The following EHMT1 variants were observed in gnomAD, a reference collection of about 807,000 sequenced individuals.
EHMT1 encodes the protein histone-lysine N-methyltransferase EHMT1.
EHMT1 carries 15 observed loss-of-function variants against 147.2 expected under a neutral mutation model. The observed-to-expected ratio is 0.10, with a 90% CI of 0.07 to 0.16. EHMT1 has a LOEUF of 0.16. EHMT1 is among the 10% of genes least tolerant of loss of function. The pLI is 1.00. For synonymous variants in EHMT1, 795 were observed against 709.6 expected (o/e 1.12, Z -1.91); for missense variants, 1,587 against 1,772.4 (o/e 0.90, Z 1.88).
At chr9:137,701,050 G>A (rs183386412) in intron 1 of EHMT1, among the ~76,000 whole-genome samples, 35 of 152,190 alleles carry the variant, frequency 2.3e-4, no homozygotes, top group Non-Finnish European at 4.9e-4. Context: ...AAGCATGAAG[G>A]GGAAAGTGCT....
chr9:137,662,166 C>T (rs1323622079), intron 1 of EHMT1, among the ~76,000 whole-genome samples: 1 of 152,148 alleles, frequency 6.6e-6, no homozygotes, highest in East Asian at 1.9e-4. Context: ...ATATTTTTTA[C>T]ACATTGTTGA....
intron 3 of EHMT1, among the ~76,000 whole-genome samples, chr9:137,722,057 C>G (rs1946113003): frequency 1.3e-5 from 2 of 151,770 alleles, no homozygotes; most frequent in South Asian, 4.2e-4. Context: ...AAGTCTGAGG[C>G]TTGGGCTGAG....
In EHMT1 at chr9:137,731,343, G is replaced by A. The variant is rs1031471764; in HGVS notation, c.823+2814G>A. ...GTGTGTTGTCACCCCAGGGCTTCCG[G>A]AGTGGGCACAGAAGTTACAGTTTCT... On this transcript the variant is annotated intron_variant, in intron 4 of 26. Coordinates refer to ENST00000460843, the MANE Select transcript of EHMT1 (RefSeq NM_024757.5). The surrounding 1 kb of genome is among the most constrained non-coding windows in gnomAD (Gnocchi z 4.3). Among the ~76,000 whole-genome samples the A allele has an allele frequency of 6.6e-6, 1 of 152,196 alleles. No homozygotes were observed. The highest frequency in any genetic ancestry group is 2.4e-5 in the African/African-American group (1 of 41,440).
In EHMT1 at chr9:137,778,038, C is replaced by T. The variant is rs527754873; in HGVS notation, c.2175C>T (p.Ile725=). Residue 725 remains isoleucine, a synonymous_variant, in exon 13 of 27, where the codon ATC becomes ATT. Coordinates refer to ENST00000460843, the MANE Select transcript of EHMT1 (RefSeq NM_024757.5). The stretch of plus-strand genomic sequence containing the variant: ...AGGAAACCTTGGAGAGCGCTCTCAT[C>T]GCCCTCGACTCGGAAAAGTAAGACC... ...PGKETLESAL[I]ALDSEKPKKL... 35 of 1,613,756 alleles carry T rather than the reference C, an allele frequency of 2.2e-5. No individual in the cohort carries two copies. Among genetic ancestry groups the T allele is most frequent in the Admixed American group, 3.3e-5 (2 of 59,994 alleles).
chr9:137,655,237 G>A (rs535155832), intron 1 of EHMT1, among the ~76,000 whole-genome samples: 180 of 152,072 alleles, frequency 1.2e-3, no homozygotes, highest in Non-Finnish European at 2.3e-3. Context: ...GGCTGGTCTC[G>A]AACTCCTGAC....
intron 10 of EHMT1, among the ~76,000 whole-genome samples, chr9:137,770,543 A>T (rs1449490901): frequency 6.6e-6 from 1 of 152,206 alleles, no homozygotes. Context: ...TCTGGGGGGA[A>T]GAAGGGGCTG....
rs933693684 is a variant in EHMT1 at position 137,812,991 on chromosome 9, C to T, written c.2868-15C>T. On this transcript the variant is annotated splice_polypyrimidine_tract_variant and intron_variant, in intron 19 of 26. Transcript: ENST00000460843. Reference sequence around the variant, plus strand: ...CAGCTTTAAATGTTTTGTGGCCTTACATTTTCCCTTTTAGCCTCTTTCTTT... The same window carrying T: ...CAGCTTTAAATGTTTTGTGGCCTTATATTTTCCCTTTTAGCCTCTTTCTTT... 26 of 1,613,954 alleles carry T rather than the reference C, an allele frequency of 1.6e-5. No homozygotes were observed. Among genetic ancestry groups the T allele is most frequent in the East Asian group, 4.5e-5 (2 of 44,888 alleles).
chr9:137,817,698 G>A, intron 24 of EHMT1, 173 bp downstream of exon 24: 1 of 791,400 alleles, frequency 1.3e-6, no homozygotes, highest in East Asian at 2.7e-5. Context: ...GCTGTCCTCA[G>A]TCCTCTTGCT....
intron 16 of EHMT1, chr9:137,792,377 G>C (rs1442444018): frequency 4.0e-6 from 1 of 250,136 alleles, no homozygotes; most frequent in South Asian, 4.5e-5. Flanking sequence ...GAAGCGTGAG[G>C]TTGGACCCTC....
Position 137,775,046 on chromosome 9 carries a change from G to C in EHMT1, c.1648-63G>C. The C allele has an allele frequency of 6.2e-7, 1 of 1,611,644 alleles. No individual in the cohort carries two copies. Among genetic ancestry groups the C allele is most frequent in the South Asian group, 1.1e-5 (1 of 90,914 alleles). The stretch of plus-strand genomic sequence containing the variant: ...TGTGTGCCTGCACTGCCCAGCGCCT[G>C]GTGGGAGGGAATGCCGGCCTCTCGT... On this transcript the variant is annotated intron_variant, in intron 10 of 26. Coordinates refer to ENST00000460843, the MANE Select transcript of EHMT1 (RefSeq NM_024757.5). The surrounding 1 kb of genome is among the most constrained non-coding windows in gnomAD (Gnocchi z 6.1).
chr9:137,696,992 G>GTGC (rs2135059162), intron 1 of EHMT1, among the ~76,000 whole-genome samples: 1 of 152,358 alleles, frequency 6.6e-6, no homozygotes, highest in South Asian at 2.1e-4. Context: ...TGTGAAAACA[G>GTGC]TGCAGAGACT....
chr9:137,673,799 A>G (rs995058735), intron 1 of EHMT1, among the ~76,000 whole-genome samples: 4 of 152,354 alleles, frequency 2.6e-5, no homozygotes, highest in East Asian at 3.9e-4. Flanking sequence ...AATTGAAAAG[A>G]TGGAAAATGA....
intron 1 of EHMT1, among the ~76,000 whole-genome samples, chr9:137,700,807 C>T (rs1943762920): frequency 6.6e-6 from 1 of 152,138 alleles, no homozygotes; most frequent in African/African-American, 2.4e-5. Context: ...AATTGTAGCT[C>T]TTGTTTTACT....
chr9:137,717,078 G>C lies in EHMT1; in HGVS notation c.538G>C (p.Gly180Arg), dbSNP rs1588329836. 1 of 1,610,878 alleles carries C rather than the reference G, an allele frequency of 6.2e-7. No homozygotes were observed. Among genetic ancestry groups the C allele is most frequent in the Non-Finnish European group, 8.5e-7 (1 of 1,178,610 alleles). Residue 180 changes from glycine (G) to arginine (R), a missense_variant, in exon 3 of 27, where the codon GGG (glycine) becomes CGG (arginine). This residue lies in a region of EHMT1 where 810 missense variants were observed against 673.0 expected (regional missense o/e 1.20). Transcript: ENST00000460843. ...QTPAAPPATL[G>R]EGSADTEDRK... ...GCCAGCCGCCCCACCAGCCACCCTT[G>C]GGGAGGGGAGTGCTGACACAGAGGA...
chr9:137,676,920 C>T (rs1037989385), intron 1 of EHMT1, among the ~76,000 whole-genome samples: 8 of 152,060 alleles, frequency 5.3e-5, no homozygotes, highest in African/African-American at 1.4e-4. Context: ...CCAATAAAAC[C>T]TTGCTCTACT....
At chr9:137,743,140 G>A in intron 4 of EHMT1, 1 of 522,566 alleles carries the variant, frequency 1.9e-6, no homozygotes, top group Non-Finnish European at 3.4e-6. Context: ...GTTGTGAATG[G>A]AACAGATGAA....
chr9:137,624,590 G>T (rs1376216376), intron 1 of EHMT1, among the ~76,000 whole-genome samples: 1 of 152,106 alleles, frequency 6.6e-6, no homozygotes, highest in Non-Finnish European at 1.5e-5. Flanking sequence ...AAAGTGCTGG[G>T]ATTACAGGTT....
intron 1 of EHMT1, among the ~76,000 whole-genome samples, chr9:137,706,707 G>C (rs1357259233): frequency 1.3e-5 from 2 of 149,534 alleles, no homozygotes; most frequent in East Asian, 2.0e-4. Flanking sequence ...GACTGGTCTC[G>C]AACTCCTGAC....
intron 10 of EHMT1, among the ~76,000 whole-genome samples, chr9:137,769,824 C>CTTTCCT (rs143804694): frequency 1.3e-5 from 2 of 151,516 alleles, no homozygotes; most frequent in South Asian, 2.1e-4. Context: ...CACTTTTTTT[C>CTTTCCT]TTTCCTTTTC....
Sources: gnomAD v4.1 joint callset for allele counts (sites outside exome capture counted in the v4.1 genomes callset) on GRCh38, gnomAD v4.1.1 for gene constraint, gnomAD v4.1.1 regional missense constraint, Gnocchi (gnomAD v3.1) non-coding constraint, MANE v1.5 for transcripts, NCBI Gene and HGNC (gene_info 2026-07-23, HGNC 2026-07-21) for gene names.